BLNK: variants seen among roughly 807,000 people sequenced by gnomAD.
BLNK encodes the protein B cell linker, also known as B-cell linker protein.
BLNK carries 29 observed loss-of-function variants against 73.5 expected under a neutral mutation model. That is an observed-to-expected ratio of 0.39 (90% CI 0.29 to 0.54). BLNK has a LOEUF of 0.54. Among genes scored for constraint, BLNK ranks in the 20% least tolerant of loss-of-function variants. The pLI is 0.61. For missense variants in BLNK, 460 were observed against 562.8 expected (o/e 0.82, Z 1.85); for synonymous variants, 176 against 200.8 (o/e 0.88, Z 1.04).
intron 8 of BLNK, among the ~76,000 whole-genome samples, chr10:96,210,863 G>GTTTTTTTTTTTTTTTTTTT (rs377260098): frequency 8.2e-6 from 1 of 121,950 alleles, no homozygotes; most frequent in Non-Finnish European, 1.7e-5. Flanking sequence ...CCACAATTCC[G>GTTTTTTTTTTTTTTTTTTT]TTTTTTTTTT....
intron 5 of BLNK, among the ~76,000 whole-genome samples, chr10:96,225,745 T>G (rs1363907707): frequency 1.3e-5 from 2 of 150,976 alleles, no homozygotes; most frequent in Non-Finnish European, 2.9e-5. Flanking sequence ...CGGGTTCAAG[T>G]GATTCTACTG....
intron 9 of BLNK, among the ~76,000 whole-genome samples, chr10:96,209,066 C>T (rs2083888342): frequency 6.6e-6 from 1 of 152,184 alleles, no homozygotes; most frequent in Admixed American, 6.5e-5. Flanking sequence ...TAACACATTA[C>T]AATCGTCACC....
chr10:96,248,263 CT>C (rs1170021811), intron 1 of BLNK, among the ~76,000 whole-genome samples: 2 of 152,164 alleles, frequency 1.3e-5, no homozygotes, highest in African/African-American at 4.8e-5. Context: ...TTGCACCAGC[CT>C]TTCTCGATTT....
In BLNK at chr10:96,261,561, G is replaced by A. The variant is rs1843756984; in HGVS notation, c.47+9791C>T. ...AGCCCAATCATCTAAGATCGGTTTG[G>A]CAACTGTGATGATCTTCGAGTATGA... On this transcript the variant is annotated intron_variant, in intron 1 of 16. Coordinates refer to ENST00000224337, the MANE Select transcript of BLNK (RefSeq NM_013314.4). 2.0e-5 allele frequency among the ~76,000 whole-genome samples: 3 copies of A among 152,138 alleles called. No homozygotes were observed. The South Asian group carries it at 6.2e-4, about 31-fold the overall frequency.
At chr10:96,243,808 A>G (rs1471653499) in intron 2 of BLNK, among the ~76,000 whole-genome samples, 6 of 152,212 alleles carry the variant, frequency 3.9e-5, no homozygotes, top group African/African-American at 1.4e-4. Flanking sequence ...ACTACTTGAA[A>G]TGAGTAAGGT....
chr10:96,203,810 C>T, intron 13 of BLNK: 1 of 346,550 alleles, frequency 2.9e-6, no homozygotes, highest in Non-Finnish European at 5.2e-6. Context: ...AAAAAGGATG[C>T]ATGATCAGTA....
chr10:96,210,094 TAA>T, intron 8 of BLNK, 187 bp from the exon 9 acceptor site: 2 of 672,272 alleles, frequency 3.0e-6, no homozygotes, highest in Admixed American at 4.2e-5. Context: ...TGACACATTT[TAA>T]AAGTGTCAGT....
intron 2 of BLNK, among the ~76,000 whole-genome samples, chr10:96,246,382 G>A (rs1317515812): frequency 6.6e-6 from 1 of 152,110 alleles, no homozygotes; most frequent in Admixed American, 6.6e-5. Context: ...AAGAAACCCT[G>A]TCTCTACTAA....
chr10:96,271,049 T>G (rs1844247481), intron 1 of BLNK, among the ~76,000 whole-genome samples: 1 of 152,220 alleles, frequency 6.6e-6, no homozygotes. Context: ...AAGTTGACCT[T>G]CAGTAGAATC....
At chr10:96,227,972 G>A (rs781977897) in intron 4 of BLNK, among the ~76,000 whole-genome samples, 4 of 152,110 alleles carry the variant, frequency 2.6e-5, no homozygotes, top group Non-Finnish European at 4.4e-5. Context: ...TACGAAGAGG[G>A]TGAGGAGACA....
In BLNK at chr10:96,260,439, GT is replaced by G. The variant is rs201204046; in HGVS notation, c.47+10912del. On this transcript the variant is annotated intron_variant, in intron 1 of 16. Coordinates refer to ENST00000224337, the MANE Select transcript of BLNK (RefSeq NM_013314.4). ...ACCAAGCGACTGAGAAGTAGTTCTA[GT>G]CATGTTTCTGAAAATGCAATTCTAC... Among the ~76,000 whole-genome samples, 45 of 152,322 alleles carry G rather than the reference GT, an allele frequency of 3.0e-4. No individual in the cohort carries two copies. The East Asian group carries it at 8.1e-3, about 27-fold the overall frequency.
chr10:96,257,885 G>A (rs1417318035), intron 1 of BLNK, among the ~76,000 whole-genome samples: 1 of 152,198 alleles, frequency 6.6e-6, no homozygotes, highest in African/African-American at 2.4e-5. Flanking sequence ...GAAGCCAGGG[G>A]ACAGATATAG....
rs781834723 is a variant in BLNK, at chr10:96,247,058, A to T, written c.48-9T>A. On this transcript the variant is annotated splice_polypyrimidine_tract_variant and intron_variant, in intron 1 of 16. Coordinates refer to ENST00000224337, the MANE Select transcript of BLNK (RefSeq NM_013314.4). ...CCATCTTTTGAAGCTGCCTGTAAAA[A>T]ACAAAATTAAACATAAGATATTAAT... The T allele has an allele frequency of 6.4e-7, 1 of 1,572,576 alleles. No individual in the cohort carries two copies. The highest frequency in any genetic ancestry group is 1.2e-5 in the South Asian group (1 of 86,448).
At chr10:96,210,521 C>T (rs1304574930) in intron 8 of BLNK, among the ~76,000 whole-genome samples, 3 of 152,268 alleles carry the variant, frequency 2.0e-5, no homozygotes, top group East Asian at 3.8e-4. Context: ...GCCCAAATCT[C>T]ATCTTCTCAA....
At chr10:96,207,745 G>T in intron 10 of BLNK, 127 bp downstream of exon 10, 1 of 1,134,002 alleles carries the variant, frequency 8.8e-7, no homozygotes, top group Non-Finnish European at 1.3e-6. Flanking sequence ...GGACTGCTTG[G>T]GCAGCAACTT....
At chr10:96,228,950 G>T (rs1018729080) in intron 4 of BLNK, among the ~76,000 whole-genome samples, 1 of 149,908 alleles carries the variant, frequency 6.7e-6, no homozygotes, top group African/African-American at 2.4e-5. Context: ...AAAAAGAATT[G>T]TAGGGGTACA....
intron 1 of BLNK, among the ~76,000 whole-genome samples, chr10:96,254,049 A>T (rs1554910178): frequency 6.6e-6 from 1 of 151,582 alleles, no homozygotes; most frequent in Non-Finnish European, 1.5e-5. Context: ...TAAAAAAATA[A>T]AAAAAAGGAA....
At chr10:96,228,059 G>T (rs1051654051) in intron 4 of BLNK, among the ~76,000 whole-genome samples, 1 of 150,862 alleles carries the variant, frequency 6.6e-6, no homozygotes, top group Non-Finnish European at 1.5e-5. Context: ...CAGGGTCAAG[G>T]CTTCAAATGG....
At chr10:96,196,008 G>A (rs2083456510) in intron 16 of BLNK, among the ~76,000 whole-genome samples, 1 of 152,238 alleles carries the variant, frequency 6.6e-6, no homozygotes, top group Non-Finnish European at 1.5e-5. Context: ...TTGGCTTCAT[G>A]TAGTGGGGAA....
Sources: allele counts gnomAD v4.1 joint callset (sites outside exome capture counted in the v4.1 genomes callset), GRCh38; gene constraint gnomAD v4.1.1; transcripts MANE v1.5; gene names NCBI Gene and HGNC (gene_info 2026-07-23, HGNC 2026-07-21).